The following ZNF641 variants were observed in gnomAD, a reference collection of about 807,000 sequenced individuals.
ZNF641 encodes zinc finger protein 641.
A neutral mutation model predicts 46.2 loss-of-function variants in ZNF641; 26 were observed. The observed-to-expected ratio is 0.56, with a 90% CI of 0.41 to 0.78. ZNF641 has a LOEUF of 0.78. Ranked by LOEUF, ZNF641 falls within the 30% of genes least tolerant of loss-of-function variation. The pLI is 0.00. For synonymous variants in ZNF641, 163 were observed against 187.9 expected, an observed-to-expected ratio of 0.87 and a Z score of 1.09; for missense variants, 469 against 517.8, an observed-to-expected ratio of 0.91 and a Z score of 0.91.
Position 48,338,902 on chromosome 12 carries a change from G to C in ZNF641, c.*4071C>G, listed in dbSNP as rs1489509940. ...TAGGCCTTACTCTACCTTTGTGCTA[G>C]ATGCCCACTCCACCTGCCTCTTATT... On this transcript the variant is annotated 3_prime_UTR_variant, in exon 6 of 6. Transcript: ENST00000547026. 7 of 152,176 alleles carry C rather than the reference G, an allele frequency of 4.6e-5. No homozygotes were observed. The highest frequency in any genetic ancestry group is 1.0e-4 in the Non-Finnish European group (7 of 68,026). 9.4% of individuals were successfully genotyped at this position (152,176 alleles called of 1,614,324 possible). A position where few individuals can be genotyped will look rare whatever the true frequency, so the allele number is the denominator to read the frequency against.
chr12:48,349,196 A>ATT (rs200397764), intron 1 of ZNF641, among the ~76,000 whole-genome samples: 1 of 151,568 alleles, frequency 6.6e-6, no homozygotes, highest in African/African-American at 2.4e-5. Flanking sequence ...GATTTAGGTT[A>ATT]TTTTTTTTTA....
Position 48,343,721 on chromosome 12 carries a change from C to A in ZNF641, c.527G>T (p.Gly176Val). The A allele has an allele frequency of 2.0e-6, 3 of 1,478,198 alleles. No individual in the cohort carries two copies. Among genetic ancestry groups the A allele is most frequent in the East Asian group, 2.4e-5 (1 of 42,518 alleles). The allele number at this position is 1,478,198 out of a possible 1,614,324, so 91.6% of individuals were successfully genotyped here. A position where few individuals can be genotyped will look rare whatever the true frequency, so the allele number is the denominator to read the frequency against. ...AGGGGTATCCCCCTCATGTTCACTT[C>A]CATCTCCTGCGGAGAAGGGGAAATA... ...DILRVTYTGD[G>V]SEHEGDTPEL... Residue 176 changes from glycine (G) to valine (V), a missense_variant, in exon 6 of 6, where the codon GGA becomes GTA. Coordinates refer to ENST00000547026, the MANE Select transcript of ZNF641 (RefSeq NM_001172681.2).
intron 4 of ZNF641, among the ~76,000 whole-genome samples, chr12:48,345,117 A>G (rs1360921452): frequency 6.6e-6 from 1 of 151,798 alleles, no homozygotes; most frequent in Admixed American, 6.6e-5. Flanking sequence ...AAGAACCTCA[A>G]GTTCTACTCC....
In ZNF641 at chr12:48,343,079, C is replaced by T. The variant is rs755385383; in HGVS notation, c.1169G>A (p.Arg390His). Residue 390 changes from arginine (R) to histidine (H), a missense_variant, in exon 6 of 6, where the codon CGC becomes CAC. By Grantham distance (29) the Arg-to-His change is conservative (BLOSUM62 0). Around this residue, in one of 3 missense-constraint regions of ZNF641, gnomAD observed 346 missense variants for 354.0 expected, o/e 0.98. Coordinates refer to ENST00000547026, the MANE Select transcript of ZNF641 (RefSeq NM_001172681.2). ...TTTTCGGCCAAAGCTCTTCTCACAG[C>T]GAGGGCACTGGAAGGGCTTCTCCCC... ...HTGEKPFQCP[R>H]CEKSFGRKHH... 45 of 1,614,010 alleles carry T rather than the reference C, an allele frequency of 2.8e-5. No individual in the cohort carries two copies. Among genetic ancestry groups the T allele is most frequent in the Admixed American group, 3.3e-5 (2 of 60,000 alleles).
chr12:48,345,563 G>C (rs1047186643), intron 3 of ZNF641, 89 bp from the exon 4 acceptor site: 1 of 1,539,056 alleles, frequency 6.5e-7, no homozygotes, highest in Non-Finnish European at 8.9e-7. Context: ...AGAGGAGAGA[G>C]GGTGAGAAAT....
At position 48,342,246 on chromosome 12, in the gene ZNF641, A is replaced by C; in HGVS notation, c.*727T>G. The C allele has an allele frequency of 1.0e-6, 1 of 985,448 alleles. No individual in the cohort carries two copies. The highest frequency in any genetic ancestry group is 1.2e-6 in the Non-Finnish European group (1 of 829,988). The allele number at this position is 985,448 out of a possible 1,614,324, so 61.0% of individuals were successfully genotyped here. Reference sequence around the variant, plus strand: ...ATGAAGGGAGTAGGAATAATGGGTAAAAAGGTTATTTTTTCAGCAGGTGAG... The same window carrying C: ...ATGAAGGGAGTAGGAATAATGGGTACAAAGGTTATTTTTTCAGCAGGTGAG... On this transcript the variant is annotated 3_prime_UTR_variant, in exon 6 of 6. Coordinates refer to ENST00000547026, the MANE Select transcript of ZNF641 (RefSeq NM_001172681.2).
Position 48,342,510 on chromosome 12 carries a change from C to T in ZNF641, c.*463G>A. ...GTCAAATACATTTAGGAAACACTGCCTTAATAGAACCTTCAGTTGGGTCTA... is the reference window on the plus strand; with the variant it reads ...GTCAAATACATTTAGGAAACACTGCTTTAATAGAACCTTCAGTTGGGTCTA... On this transcript the variant is annotated 3_prime_UTR_variant, in exon 6 of 6. Coordinates refer to ENST00000547026, the MANE Select transcript of ZNF641 (RefSeq NM_001172681.2). 2 of 866,996 alleles carry T rather than the reference C, an allele frequency of 2.3e-6. No homozygotes were observed. The highest frequency in any genetic ancestry group is 2.8e-6 in the Non-Finnish European group (2 of 718,976). The allele number at this position is 866,996 out of a possible 1,614,324, so 53.7% of individuals were successfully genotyped here.
At chr12:48,335,052 G>A (rs899892541), downstream of ZNF641, among the ~76,000 whole-genome samples, 3 of 152,184 alleles carry the variant, frequency 2.0e-5, no homozygotes, top group Non-Finnish European at 2.9e-5. Flanking sequence ...CATGGGTTTC[G>A]CTAAGGTGCT....
rs1952752989 is a variant in ZNF641 at position 48,342,863 on chromosome 12, G to A, written c.*110C>T. 8 of 1,481,794 alleles carry A rather than the reference G, an allele frequency of 5.4e-6. No homozygotes were observed. The Admixed American group carries it at 7.4e-5, about 14-fold the overall frequency. 91.8% of individuals were successfully genotyped at this position (1,481,794 alleles called of 1,614,324 possible). ...GGGACCTCATCTTTCTAGGGATGGG[G>A]TCAGGGCTTATGATTCTGGCCACTG... On this transcript the variant is annotated 3_prime_UTR_variant, in exon 6 of 6. Transcript: ENST00000547026.
At position 48,342,396 on chromosome 12, in the gene ZNF641, CTT is replaced by C. The variant is rs1335133622; in HGVS notation, c.*575_*576del. On this transcript the variant is annotated 3_prime_UTR_variant, in exon 6 of 6. Coordinates refer to ENST00000547026, the MANE Select transcript of ZNF641 (RefSeq NM_001172681.2). Reference sequence around the variant, plus strand: ...GGCTCTGGATGCCTGATCACTATCTCTTGTTTCCTTGTTACTCTCTAACCCAG... The same window carrying C: ...GGCTCTGGATGCCTGATCACTATCTCGTTTCCTTGTTACTCTCTAACCCAG... The C allele has an allele frequency of 3.6e-5, 35 of 985,858 alleles. No individual in the cohort carries two copies. The highest frequency in any genetic ancestry group is 1.9e-4 in the African/African-American group (11 of 57,220). 61.1% of individuals were successfully genotyped at this position (985,858 alleles called of 1,614,324 possible).
chr12:48,350,892 G>C lies in ZNF641; in HGVS notation c.-132C>G. 8 of 984,008 alleles carry C rather than the reference G, an allele frequency of 8.1e-6. No homozygotes were observed. Among genetic ancestry groups the C allele is most frequent in the Non-Finnish European group, 9.7e-6 (8 of 828,792 alleles). The allele number at this position is 984,008 out of a possible 1,614,324, so 61.0% of individuals were successfully genotyped here. A position where few individuals can be genotyped will look rare whatever the true frequency, so the allele number is the denominator to read the frequency against. ...GGAGCCGGCGGCCGGCGGAGCCAGCGACAGGCGGAGACGGCGGCCCGGCAG... is the reference window on the plus strand; with the variant it reads ...GGAGCCGGCGGCCGGCGGAGCCAGCCACAGGCGGAGACGGCGGCCCGGCAG... On this transcript the variant is annotated 5_prime_UTR_variant, in exon 1 of 6. Coordinates refer to ENST00000547026, the MANE Select transcript of ZNF641 (RefSeq NM_001172681.2).
In ZNF641 at chr12:48,338,826, C is replaced by G. The variant is rs1222158277; in HGVS notation, c.*4147G>C. The G allele has an allele frequency of 6.6e-6, 1 of 152,146 alleles. No homozygotes were observed. Among genetic ancestry groups the G allele is most frequent in the African/African-American group, 2.4e-5 (1 of 41,416 alleles). 9.4% of individuals were successfully genotyped at this position (152,146 alleles called of 1,614,324 possible). A position where few individuals can be genotyped will look rare whatever the true frequency, so the allele number is the denominator to read the frequency against. ...CCCTTCCATGGCCCCTCGTTGGTCT[C>G]TAATCCAATTTTTATGTTGGAAAAC... On this transcript the variant is annotated 3_prime_UTR_variant, in exon 6 of 6. Coordinates refer to ENST00000547026, the MANE Select transcript of ZNF641 (RefSeq NM_001172681.2).
chr12:48,347,429 G>A (rs1952908326), intron 2 of ZNF641, 86 bp from the exon 3 acceptor site: 1 of 1,227,344 alleles, frequency 8.1e-7, no homozygotes, highest in Admixed American at 2.9e-5. Flanking sequence ...GAGGCTTAAG[G>A]GTCACAACTT....
In ZNF641 at chr12:48,338,821, G is replaced by A. The variant is rs564427978; in HGVS notation, c.*4152C>T. 1 of 152,182 alleles carries A rather than the reference G, an allele frequency of 6.6e-6. No homozygotes were observed. Among genetic ancestry groups the A allele is most frequent in the African/African-American group, 2.4e-5 (1 of 41,506 alleles). The allele number at this position is 152,182 out of a possible 1,614,324, so 9.4% of individuals were successfully genotyped here. A position where few individuals can be genotyped will look rare whatever the true frequency, so the allele number is the denominator to read the frequency against. On this transcript the variant is annotated 3_prime_UTR_variant, in exon 6 of 6. Coordinates refer to ENST00000547026, the MANE Select transcript of ZNF641 (RefSeq NM_001172681.2). ...GAAATCCCTTCCATGGCCCCTCGTT[G>A]GTCTCTAATCCAATTTTTATGTTGG...
In ZNF641 at chr12:48,350,834, C is replaced by G. The variant is rs1953014740; in HGVS notation, c.-74G>C. On this transcript the variant is annotated 5_prime_UTR_variant, in exon 1 of 6. Transcript: ENST00000547026. ...CCGGTGCCTCCCTCCCGGGCGCCGC[C>G]TGCCCCTCCCCTCCGCCCTCCGCTT... 1.0e-6 allele frequency: 1 copy of G among 985,166 alleles called. No homozygotes were observed. The highest frequency in any genetic ancestry group is 1.2e-6 in the Non-Finnish European group (1 of 829,794). 61.0% of individuals were successfully genotyped at this position (985,166 alleles called of 1,614,324 possible).
downstream of ZNF641, among the ~76,000 whole-genome samples, chr12:48,334,969 C>A (rs1952593975): frequency 6.6e-6 from 1 of 152,330 alleles, no homozygotes; most frequent in African/African-American, 2.4e-5. Context: ...CATAAATCAA[C>A]TAAATGTCCT....
chr12:48,344,804 T>C (rs568883462), intron 4 of ZNF641, 92 bp from the exon 5 acceptor site: 11 of 765,418 alleles, frequency 1.4e-5, no homozygotes, highest in Admixed American at 2.8e-5. Context: ...TTTCCTATTG[T>C]TTGGAACTCT....
intron 1 of ZNF641, chr12:48,349,980 TC>T: frequency 6.2e-7 from 1 of 1,604,116 alleles, no homozygotes; most frequent in Non-Finnish European, 8.5e-7. Flanking sequence ...TGTAAGTTTT[TC>T]TATACCACTG....
chr12:48,344,643 G>A lies in ZNF641; in HGVS notation c.476C>T (p.Pro159Leu). Residue 159 changes from proline to leucine, a missense_variant, in exon 5 of 6, where the codon CCC (proline) becomes CTC (leucine). This residue lies in a region of ZNF641 where 346 missense variants were observed against 354.0 expected (regional missense o/e 0.98). Coordinates refer to ENST00000547026, the MANE Select transcript of ZNF641 (RefSeq NM_001172681.2). ...EGGEEQWVPD[P>L]QDLEERDILR... Reference sequence around the variant, plus strand: ...AATGTCCCTCTCCTCTAAGTCCTGGGGGTCAGGGACCCATTGTTCTTCTCC... The same window carrying A: ...AATGTCCCTCTCCTCTAAGTCCTGGAGGTCAGGGACCCATTGTTCTTCTCC... The A allele has an allele frequency of 1.9e-6, 3 of 1,613,788 alleles. No individual in the cohort carries two copies. Among genetic ancestry groups the A allele is most frequent in the Non-Finnish European group, 2.5e-6 (3 of 1,179,822 alleles).
Sources: allele counts gnomAD v4.1 joint callset (sites outside exome capture counted in the v4.1 genomes callset), GRCh38; gene constraint gnomAD v4.1.1; regional missense constraint gnomAD v4.1.1; transcripts MANE v1.5; gene names NCBI Gene and HGNC (gene_info 2026-07-23, HGNC 2026-07-21).